The following SYNE1 variants were observed in gnomAD, a reference collection of about 807,000 sequenced individuals.
The protein encoded by SYNE1 is nesprin-1.
SYNE1 carries 616 observed loss-of-function variants against 1,111.0 expected under a neutral mutation model. That is an observed-to-expected ratio of 0.55 (90% CI 0.52 to 0.59). The LOEUF is 0.59. SYNE1 is among the 20% of genes least tolerant of loss of function. SYNE1 has a pLI of 0.00. For synonymous variants in SYNE1, 3,855 were observed against 3,825.8 expected (o/e 1.01, Z -0.28); for missense variants, 10,006 against 10,417.0 (o/e 0.96, Z 1.72).
intron 7 of SYNE1, among the ~76,000 whole-genome samples, chr6:152,510,646 A>T (rs552399385): frequency 6.6e-6 from 1 of 152,206 alleles, no homozygotes; most frequent in Admixed American, 6.5e-5. Flanking sequence ...TTCTGAATAG[A>T]ATGGCAAGTT....
intron 101 of SYNE1, among the ~76,000 whole-genome samples, 194 bp from the exon 102 acceptor site, chr6:152,256,959 G>T (rs563494438): frequency 2.0e-5 from 3 of 152,068 alleles, no homozygotes; most frequent in Admixed American, 2.0e-4. Context: ...TGTTTCCATG[G>T]ATGGATTTTT....
intron 120 of SYNE1, 26 bp from the exon 121 acceptor site, chr6:152,218,429 A>G: frequency 1.3e-6 from 2 of 1,564,572 alleles, no homozygotes; most frequent in Non-Finnish European, 1.7e-6. Context: ...AGAAATTGGT[A>G]TTTCAGTTAA....
At chr6:152,364,452 TC>T (rs2097014351) in intron 63 of SYNE1, among the ~76,000 whole-genome samples, 1 of 78,102 alleles carries the variant, frequency 1.3e-5, no homozygotes, top group Non-Finnish European at 2.7e-5. Context: ...ACATTATGAA[TC>T]TTTTTTTTTT....
chr6:152,284,171 G>A lies in SYNE1; in HGVS notation c.18014C>T (p.Ala6005Val). Reference sequence around the variant, plus strand: ...GAGCATGAGAATCTCATCCATCAATGCCTGGAGGAAAGACTGTGGAATCAC... The same window carrying A: ...GAGCATGAGAATCTCATCCATCAATACCTGGAGGAAAGACTGTGGAATCAC... ...SPESQMAEHQ[A>V]LMDEILMLQD... The change falls in exon 96 of 146, where the codon GCA becomes GTA. Residue 6005 changes from alanine (A) to valine (V), a missense_variant and splice_region_variant. Ala to Val is a moderately conservative substitution (Grantham distance 64). This residue lies in a region of SYNE1 where 4,955 missense variants were observed against 5,017.2 expected (regional missense o/e 0.99). Coordinates refer to ENST00000367255, the MANE Select transcript of SYNE1 (RefSeq NM_182961.4). 6.2e-7 allele frequency: 1 copy of A among 1,614,064 alleles called. No homozygotes were observed. The highest frequency in any genetic ancestry group is 8.5e-7 in the Non-Finnish European group (1 of 1,179,992).
intron 129 of SYNE1, among the ~76,000 whole-genome samples, chr6:152,178,199 G>A (rs963654747): frequency 1.3e-5 from 2 of 151,760 alleles, no homozygotes; most frequent in Admixed American, 6.6e-5. Context: ...TTCAAGAGAT[G>A]GTTTTTTTCC....
intron 3 of SYNE1, among the ~76,000 whole-genome samples, chr6:152,571,910 A>G (rs2099461842): frequency 2.0e-5 from 3 of 152,154 alleles, no homozygotes; most frequent in South Asian, 4.1e-4. Flanking sequence ...TAAATTTTTC[A>G]ATGCTAGTTT....
At chr6:152,476,540 C>T (rs1161519587) in intron 14 of SYNE1, among the ~76,000 whole-genome samples, 4 of 152,024 alleles carry the variant, frequency 2.6e-5, no homozygotes, top group African/African-American at 9.7e-5. Flanking sequence ...TCTATTCTCA[C>T]ATAGCAGCCA....
At chr6:152,235,580 C>T (rs563424392) in intron 110 of SYNE1, among the ~76,000 whole-genome samples, 3 of 152,116 alleles carry the variant, frequency 2.0e-5, no homozygotes, top group South Asian at 4.2e-4. Flanking sequence ...AGGCTGGTCT[C>T]GAACTCCTGA....
chr6:152,390,640 A>G (rs925145461), intron 52 of SYNE1, among the ~76,000 whole-genome samples, 188 bp from the exon 53 acceptor site: 1 of 152,250 alleles, frequency 6.6e-6, no homozygotes, highest in African/African-American at 2.4e-5. Flanking sequence ...TCTAGGAGTC[A>G]AAGATTAATT....
chr6:152,347,781 A>G (rs1221304286), intron 72 of SYNE1, among the ~76,000 whole-genome samples: 1 of 150,956 alleles, frequency 6.6e-6, no homozygotes, highest in Non-Finnish European at 1.5e-5. Flanking sequence ...CCCAGGTTCT[A>G]GCAATTCTCC....
Position 152,140,100 on chromosome 6 carries a change from C to T in SYNE1, c.25308G>A (p.Lys8436=), listed in dbSNP as rs2058215933. ...AQALSKELRM[K]QNLQKWQQFN... is the part of the protein sequence containing the mutation. The stretch of plus-strand genomic sequence containing the variant: ...ACTGCTGCCACTTCTGGAGGTTCTG[C>T]TTCATCCTCAACTCCTTGCTCAATG... Residue 8436 remains lysine (K), a synonymous_variant, in exon 140 of 146, where the codon AAG becomes AAA. Transcript: ENST00000367255. 6.2e-7 allele frequency: 1 copy of T among 1,614,078 alleles called. No individual in the cohort carries two copies. The highest frequency in any genetic ancestry group is 1.7e-5 in the Admixed American group (1 of 60,008).
chr6:152,567,312 T>C (rs1299148234), intron 3 of SYNE1, among the ~76,000 whole-genome samples: 1 of 148,976 alleles, frequency 6.7e-6, no homozygotes, highest in Non-Finnish European at 1.5e-5. Flanking sequence ...ATGCTAAGCA[T>C]AACCATTTTA....
At chr6:152,318,723 A>C (rs1342839801) in intron 85 of SYNE1, 140 bp downstream of exon 85, 1 of 905,082 alleles carries the variant, frequency 1.1e-6, no homozygotes, top group Non-Finnish European at 1.7e-6. Flanking sequence ...CTTCAGTTAC[A>C]AAATTTCTTT....
In SYNE1 at chr6:152,326,569, T is replaced by C. The variant is rs375640800; in HGVS notation, c.15020A>G (p.Asp5007Gly). ...CAATTCTTGGGCATCCTCAAGCCAG[T>C]CATTGGCTGCTTGAAATACCTGATA... is the stretch of plus-strand genomic sequence containing the variant. Reference protein sequence around the residue: ...RYYQVFQAANDWLEDAQELLQ... With the variant: ...RYYQVFQAANGWLEDAQELLQ... The change falls in exon 79 of 146, where the codon GAC becomes GGC. Residue 5007 changes from aspartate to glycine, a missense_variant. Around this residue, in one of 7 missense-constraint regions of SYNE1, gnomAD observed 4,955 missense variants for 5,017.2 expected, o/e 0.99. Coordinates refer to ENST00000367255, the MANE Select transcript of SYNE1 (RefSeq NM_182961.4). 20 of 1,614,096 alleles carry C rather than the reference T, an allele frequency of 1.2e-5. No homozygotes were observed. Among genetic ancestry groups the C allele is most frequent in the Non-Finnish European group, 1.5e-5 (18 of 1,180,044 alleles).
rs537447005 is a variant in SYNE1, at chr6:152,279,545, G to A, written c.18382-1265C>T. Among the ~76,000 whole-genome samples, 30 of 151,482 alleles carry A rather than the reference G, an allele frequency of 2.0e-4. No homozygotes were observed. In the South Asian group the frequency reaches 5.2e-3, roughly 26 times the overall value. On this transcript the variant is annotated intron_variant, in intron 97 of 145. Transcript: ENST00000367255. Reference sequence around the variant, plus strand: ...AGCCTGGGCAACATAGTGAAACCCCGTCTCTCCAAAAAATACAAAAAAATA... The same window carrying A: ...AGCCTGGGCAACATAGTGAAACCCCATCTCTCCAAAAAATACAAAAAAATA...
At chr6:152,284,601 C>T (rs997160940) in intron 95 of SYNE1, among the ~76,000 whole-genome samples, 10 of 147,852 alleles carry the variant, frequency 6.8e-5, no homozygotes, top group African/African-American at 2.5e-4. Flanking sequence ...TGTGCTACCA[C>T]ACCTGGTAAT....
intron 3 of SYNE1, among the ~76,000 whole-genome samples, chr6:152,605,212 T>A (rs372839889): frequency 1.3e-5 from 2 of 152,206 alleles, no homozygotes; most frequent in East Asian, 1.9e-4. Flanking sequence ...AGAATATCTC[T>A]GCTTAAAATA....
intron 131 of SYNE1, among the ~76,000 whole-genome samples, chr6:152,161,325 AT>A (rs72455598): frequency 0.071 from 10,492 of 147,044 alleles, 681 homozygotes; most frequent in African/African-American, 0.17. Context: ...TATTTTCTTT[AT>A]TTTTTTTTAG....
intron 115 of SYNE1, 50 bp downstream of exon 115, chr6:152,230,497 T>C (rs1048011096): frequency 6.4e-7 from 1 of 1,573,586 alleles, no homozygotes; most frequent in Non-Finnish European, 8.7e-7. Context: ...CATATTAGCA[T>C]ACGCTATGAA....
Sources: allele counts gnomAD v4.1 joint callset (sites outside exome capture counted in the v4.1 genomes callset), GRCh38; gene constraint gnomAD v4.1.1; regional missense constraint gnomAD v4.1.1; transcripts MANE v1.5; gene names NCBI Gene and HGNC (gene_info 2026-07-23, HGNC 2026-07-21).